The following MRPS6 variants were observed in gnomAD, a reference collection of about 807,000 sequenced individuals.
The protein encoded by MRPS6 is mitochondrial ribosomal protein S6.
MRPS6 carries 6 observed loss-of-function variants against 13.1 expected under a neutral mutation model. The ratio of observed to expected loss-of-function variants is 0.46; its 90% CI spans 0.25 to 0.91. The LOEUF (loss-of-function observed/expected upper bound fraction) is 0.91. Among genes scored for constraint, MRPS6 ranks in the 40% least tolerant of loss-of-function variants. The pLI is 0.18. For missense variants in MRPS6, 164 were observed against 155.6 expected (o/e 1.05, Z -0.29); for synonymous variants, 61 against 56.5 (o/e 1.08, Z -0.36).
intron 1 of MRPS6, chr21:34,097,926 G>A: frequency 1.0e-6 from 1 of 996,572 alleles, no homozygotes; most frequent in African/African-American, 1.7e-5. Context: ...AAGAAAGAAT[G>A]TTTTCCTGTA....
At chr21:34,122,507 G>T (rs1980155816) in intron 1 of MRPS6, 2 of 152,012 alleles carry the variant, frequency 1.3e-5, no homozygotes. Flanking sequence ...TTGTTAGGTA[G>T]CCTTTCCCCT....
rs374759906 is a variant in MRPS6 at position 34,130,103 on chromosome 21, TCCCATCCCCCTCC to T, written c.185+4634_185+4646del. ...AGGATGCTTCAGGGCTGCAAAGCCC[TCCCATCCCCCTCC>T]CCCATCCCCCCACCCACTGTGAGCC... On this transcript the variant is annotated intron_variant, in intron 2 of 2. Coordinates refer to ENST00000399312, the MANE Select transcript of MRPS6 (RefSeq NM_032476.4). 7.5e-3 allele frequency among the ~76,000 whole-genome samples: 1,134 copies of T among 152,202 alleles called. 7 individuals carry two copies. The highest frequency in any genetic ancestry group is 0.031 in the Middle Eastern group (9 of 294).
At chr21:34,103,471 T>C (rs1339983709) in intron 1 of MRPS6, 1 of 998,816 alleles carries the variant, frequency 1.0e-6, no homozygotes, top group Non-Finnish European at 1.2e-6. Context: ...TTCTGTGATC[T>C]TAATTTTGTT....
intron 1 of MRPS6, among the ~76,000 whole-genome samples, chr21:34,092,083 A>C (rs1294750473): frequency 6.6e-6 from 1 of 151,598 alleles, no homozygotes; most frequent in Non-Finnish European, 1.5e-5. Flanking sequence ...TGCTCATTGT[A>C]TTTTGTTGAA....
intron 1 of MRPS6, chr21:34,105,114 A>G: frequency 2.0e-6 from 2 of 1,000,174 alleles, no homozygotes; most frequent in Non-Finnish European, 2.4e-6. Context: ...GCCATACTCC[A>G]TTAGTGTCAG....
chr21:34,110,701 T>C (rs1979662536), intron 1 of MRPS6, among the ~76,000 whole-genome samples: 1 of 152,222 alleles, frequency 6.6e-6, no homozygotes, highest in Non-Finnish European at 1.5e-5. Flanking sequence ...TTAGATTCCT[T>C]CCAGTGTATG....
intron 2 of MRPS6, among the ~76,000 whole-genome samples, chr21:34,141,491 C>T (rs1281938320): frequency 3.3e-5 from 5 of 152,014 alleles, no homozygotes; most frequent in African/African-American, 7.3e-5. Flanking sequence ...GAAGGACCAG[C>T]GAGTACAAAG....
At chr21:34,140,794 T>G (rs1406284233) in intron 2 of MRPS6, among the ~76,000 whole-genome samples, 1 of 148,866 alleles carries the variant, frequency 6.7e-6, no homozygotes, top group Non-Finnish European at 1.5e-5. Flanking sequence ...TATTATGTAT[T>G]GTCTCTTTTT....
At chr21:34,074,688 C>T (rs757914091) in intron 1 of MRPS6, among the ~76,000 whole-genome samples, 6 of 152,146 alleles carry the variant, frequency 3.9e-5, no homozygotes, top group Non-Finnish European at 7.3e-5. Context: ...TTTTTCTCCA[C>T]CAGGTGTAAT....
At chr21:34,118,417 GA>G (rs1375769587) in intron 1 of MRPS6, among the ~76,000 whole-genome samples, 1 of 152,088 alleles carries the variant, frequency 6.6e-6, no homozygotes, top group Non-Finnish European at 1.5e-5. Context: ...CTTGTAAGTG[GA>G]CCTACACAGT....
intron 1 of MRPS6, chr21:34,102,194 G>A: frequency 1.0e-6 from 1 of 999,922 alleles, no homozygotes; most frequent in Non-Finnish European, 1.2e-6. Context: ...TGACTCCTAG[G>A]AGAGAATTTA....
intron 1 of MRPS6, among the ~76,000 whole-genome samples, chr21:34,115,647 C>T (rs1305400664): frequency 6.6e-6 from 1 of 152,094 alleles, no homozygotes; most frequent in African/African-American, 2.4e-5. Flanking sequence ...TTTTCAGTGT[C>T]CAAGTGTAGA....
At chr21:34,102,392 C>G (rs1406845096) in intron 1 of MRPS6, 19 of 999,862 alleles carry the variant, frequency 1.9e-5, no homozygotes, top group South Asian at 4.7e-5. Flanking sequence ...CTGTTTCCAT[C>G]TAAACTTCTT....
intron 2 of MRPS6, among the ~76,000 whole-genome samples, chr21:34,139,163 A>AC (rs1025109798): frequency 7.9e-6 from 1 of 126,384 alleles, no homozygotes; most frequent in African/African-American, 3.0e-5. Context: ...TGGAAGGGGA[A>AC]CATCACACTC....
chr21:34,098,990 C>T (rs1979104386), intron 1 of MRPS6: 2 of 988,118 alleles, frequency 2.0e-6, no homozygotes, highest in African/African-American at 3.5e-5. Context: ...AATCAAAACT[C>T]AGTCTTTTTA....
intron 1 of MRPS6, among the ~76,000 whole-genome samples, chr21:34,088,238 C>T (rs937554844): frequency 7.5e-3 from 2 of 266 alleles, no homozygotes; most frequent in Non-Finnish European, 0.019. Flanking sequence ...GTATAGAATA[C>T]ACTTAAGACT....
chr21:34,096,673 G>A lies in MRPS6; in HGVS notation c.45+22928G>A, dbSNP rs191539072. ...CGTTTGATACTGGCCTTTGCCTACCGTGCCCCAGAATGTGACCAACCTGAT... is the reference window on the plus strand; with the variant it reads ...CGTTTGATACTGGCCTTTGCCTACCATGCCCCAGAATGTGACCAACCTGAT... On this transcript the variant is annotated intron_variant, in intron 1 of 2. Coordinates refer to ENST00000399312, the MANE Select transcript of MRPS6 (RefSeq NM_032476.4). This position sits in a 1 kb window ranked among gnomAD's most constrained non-coding sequence, Gnocchi z 5.9. 8.7e-6 allele frequency: 14 copies of A among 1,614,098 alleles called. No homozygotes were observed. The highest frequency in any genetic ancestry group is 3.3e-5 in the Admixed American group (2 of 60,016).
Position 34,096,985 on chromosome 21 carries a change from A to G in MRPS6, c.45+23240A>G. Reference sequence around the variant, plus strand: ...AACGGGAAATCTGAAGACAGCATTAAGGGCCTTCAGCCTGAAGATGTTAAT... The same window carrying G: ...AACGGGAAATCTGAAGACAGCATTAGGGGCCTTCAGCCTGAAGATGTTAAT... On this transcript the variant is annotated intron_variant, in intron 1 of 2. Coordinates refer to ENST00000399312, the MANE Select transcript of MRPS6 (RefSeq NM_032476.4). The surrounding 1 kb of genome is among the most constrained non-coding windows in gnomAD (Gnocchi z 5.9). The G allele has an allele frequency of 6.2e-7, 1 of 1,614,086 alleles. No homozygotes were observed. Among genetic ancestry groups the G allele is most frequent in the Non-Finnish European group, 8.5e-7 (1 of 1,179,964 alleles).
chr21:34,097,493 A>C, intron 1 of MRPS6: 1 of 1,428,370 alleles, frequency 7.0e-7, no homozygotes, highest in East Asian at 2.5e-5. Context: ...AAAATCATCT[A>C]ATTACAAGAC....
Sources: gnomAD v4.1 joint callset for allele counts (sites outside exome capture counted in the v4.1 genomes callset) on GRCh38, gnomAD v4.1.1 for gene constraint, Gnocchi (gnomAD v3.1) non-coding constraint, MANE v1.5 for transcripts, NCBI Gene and HGNC (gene_info 2026-07-23, HGNC 2026-07-21) for gene names.